The following CADM2 variants were observed in gnomAD, a reference collection of about 807,000 sequenced individuals.
The protein encoded by CADM2 is immunoglobulin superfamily member 4D.
In CADM2, 12 loss-of-function variants were observed where a neutral mutation model predicts 49.8. That is an observed-to-expected ratio of 0.24 (90% confidence interval 0.15 to 0.39). The LOEUF is 0.39. Among genes scored for constraint, CADM2 ranks in the 10% least tolerant of loss-of-function variants. The pLI is 1.00. For missense variants in CADM2, 378 were observed against 492.3 expected (o/e 0.77, Z 2.20); for synonymous variants, 214 against 175.4 (o/e 1.22, Z -1.74).
chr3:85,539,365 C>T (rs1199872700), intron 1 of CADM2, among the ~76,000 whole-genome samples: 1 of 151,986 alleles, frequency 6.6e-6, no homozygotes, highest in African/African-American at 2.4e-5. Context: ...TTATTATTGT[C>T]ATGAACTACT....
At chr3:85,181,239 A>G (rs925733291) in intron 1 of CADM2, among the ~76,000 whole-genome samples, 2 of 152,148 alleles carry the variant, frequency 1.3e-5, no homozygotes, top group Admixed American at 1.3e-4. Flanking sequence ...TGTAACTTAA[A>G]TCTTTTATGT....
At chr3:85,797,062 C>A in intron 2 of CADM2, among the ~76,000 whole-genome samples, 1 of 149,974 alleles carries the variant, frequency 6.7e-6, no homozygotes, top group Non-Finnish European at 1.5e-5. Flanking sequence ...CCACTGCACT[C>A]CAGCCTGGCA....
intron 3 of CADM2, among the ~76,000 whole-genome samples, chr3:85,881,234 G>A (rs1712716519): frequency 6.6e-6 from 1 of 151,650 alleles, no homozygotes; most frequent in Admixed American, 6.6e-5. Context: ...TTTTATTTCT[G>A]TAACGTCCAT....
At chr3:86,010,055 A>G (rs1399533018) in intron 8 of CADM2, among the ~76,000 whole-genome samples, 5 of 151,916 alleles carry the variant, frequency 3.3e-5, no homozygotes, top group African/African-American at 1.2e-4. Context: ...GCTCTATTTA[A>G]TCTTCTAATC....
chr3:85,909,746 A>C (rs546153170), intron 5 of CADM2, among the ~76,000 whole-genome samples: 1 of 152,374 alleles, frequency 6.6e-6, no homozygotes, highest in African/African-American at 2.4e-5. Context: ...ACATGAAAGA[A>C]GGATACACGT....
intron 1 of CADM2, among the ~76,000 whole-genome samples, chr3:85,546,055 G>A (rs2061664419): frequency 6.6e-6 from 1 of 152,090 alleles, no homozygotes; most frequent in East Asian, 1.9e-4. Context: ...AAATATACCT[G>A]ACCATGGCAG....
intron 1 of CADM2, among the ~76,000 whole-genome samples, chr3:85,249,736 A>G (rs1343482067): frequency 2.0e-5 from 3 of 151,846 alleles, no homozygotes; most frequent in Non-Finnish European, 4.4e-5. Context: ...AATCTATACA[A>G]TTTGGATTTA....
intron 8 of CADM2, among the ~76,000 whole-genome samples, chr3:86,048,955 T>G (rs1737003795): frequency 6.6e-6 from 1 of 152,100 alleles, no homozygotes; most frequent in Admixed American, 6.6e-5. Context: ...ATAATCAGGG[T>G]CTCGTTTTTA....
intron 3 of CADM2, among the ~76,000 whole-genome samples, chr3:85,818,022 A>G (rs2073321899): frequency 1.3e-5 from 2 of 152,178 alleles, no homozygotes. Context: ...GTTTCTATCT[A>G]GGAAGTTGAG....
intron 1 of CADM2, among the ~76,000 whole-genome samples, chr3:85,562,520 A>T: frequency 6.7e-6 from 1 of 150,128 alleles, no homozygotes; most frequent in Non-Finnish European, 1.5e-5. Context: ...AGTTCTAATG[A>T]GAAGACATAC....
At chr3:85,357,483 A>G (rs1169898346) in intron 1 of CADM2, among the ~76,000 whole-genome samples, 1 of 152,114 alleles carries the variant, frequency 6.6e-6, no homozygotes, top group East Asian at 1.9e-4. Flanking sequence ...AGTACATATT[A>G]TAGCTAGTAC....
At chr3:85,514,510 T>C (rs574463945) in intron 1 of CADM2, among the ~76,000 whole-genome samples, 2 of 152,202 alleles carry the variant, frequency 1.3e-5, no homozygotes, top group East Asian at 3.9e-4. Context: ...ACATTCAATA[T>C]ATATAATATC....
chr3:85,602,498 C>T (rs1431342549), intron 1 of CADM2, among the ~76,000 whole-genome samples: 8 of 151,694 alleles, frequency 5.3e-5, no homozygotes, highest in Admixed American at 2.0e-4. Flanking sequence ...CAACAACTTG[C>T]GACATTGTCT....
intron 1 of CADM2, among the ~76,000 whole-genome samples, chr3:85,248,272 TA>T (rs1241341971): frequency 1.3e-5 from 2 of 152,156 alleles, no homozygotes; most frequent in African/African-American, 4.8e-5. Flanking sequence ...TCTATTTATT[TA>T]TTTTTTTTTA....
chr3:85,914,229 A>C (rs772510767), intron 6 of CADM2, among the ~76,000 whole-genome samples: 145 of 152,248 alleles, frequency 9.5e-4, no homozygotes, highest in African/African-American at 2.4e-3. Context: ...AATGGAGATT[A>C]TCTCTCAATT....
chr3:85,355,117 A>G (rs890450230), intron 1 of CADM2, among the ~76,000 whole-genome samples: 4 of 152,060 alleles, frequency 2.6e-5, no homozygotes, highest in African/African-American at 9.7e-5. Context: ...ATTTGGCCAA[A>G]ACCAATCCAG....
intron 3 of CADM2, among the ~76,000 whole-genome samples, chr3:85,808,331 C>G (rs1026783393): frequency 1.3e-5 from 2 of 152,036 alleles, no homozygotes; most frequent in African/African-American, 4.8e-5. Context: ...ATCTTAGCAC[C>G]TCTGTTATAA....
chr3:85,159,098 C>G (rs926758018), intron 1 of CADM2, among the ~76,000 whole-genome samples: 1 of 152,122 alleles, frequency 6.6e-6, no homozygotes, highest in African/African-American at 2.4e-5. Context: ...ATATTTTATA[C>G]TTTCTTTACT....
intron 1 of CADM2, among the ~76,000 whole-genome samples, chr3:85,034,789 G>GTTTTTTTTTTTTTTTT (rs2035137941): frequency 2.0e-5 from 2 of 99,364 alleles, no homozygotes; most frequent in Admixed American, 1.2e-4. Context: ...AAGACATTTT[G>GTTTTTTTTTTTTTTTT]CTTTTTTTTT....
Sources: gnomAD v4.1 joint callset for allele counts (sites outside exome capture counted in the v4.1 genomes callset) on GRCh38, gnomAD v4.1.1 for gene constraint, MANE v1.5 for transcripts, NCBI Gene and HGNC (gene_info 2026-07-23, HGNC 2026-07-21) for gene names.